Variants in GPATCH2L observed in about 807,000 individuals in gnomAD.
GPATCH2L encodes the protein G-patch domain containing 2 like.
GPATCH2L carries 31 observed loss-of-function variants against 57.4 expected under a neutral mutation model. The observed-to-expected ratio is 0.54, with a 90% CI of 0.41 to 0.73. The LOEUF (loss-of-function observed/expected upper bound fraction) is 0.73. Ranked by LOEUF, GPATCH2L falls within the 30% of genes least tolerant of loss-of-function variation. The probability of loss-of-function intolerance (pLI) is 0.00; values close to 1 mark genes in which losing one functional copy is unlikely to be tolerated. For synonymous variants in GPATCH2L, 199 were observed against 210.7 expected (o/e 0.94, Z 0.48); for missense variants, 481 against 599.9 (o/e 0.80, Z 2.07).
At chr14:76,161,810 TG>T (rs1261648404) in intron 2 of GPATCH2L, among the ~76,000 whole-genome samples, 1 of 152,014 alleles carries the variant, frequency 6.6e-6, no homozygotes, top group African/African-American at 2.4e-5. Context: ...CCTAGGCGGG[TG>T]GATCACCTAA....
intron 2 of GPATCH2L, among the ~76,000 whole-genome samples, chr14:76,158,548 T>A (rs1347435119): frequency 1.3e-5 from 2 of 152,228 alleles, no homozygotes; most frequent in African/African-American, 4.8e-5. Context: ...TCAATAACAC[T>A]CTATAGCAGT....
In GPATCH2L at chr14:76,209,054, G is replaced by A. The variant is rs957936631; in HGVS notation, c.*7203G>A. 22 of 152,218 alleles carry A rather than the reference G, an allele frequency of 1.4e-4. No homozygotes were observed. The highest frequency in any genetic ancestry group is 5.3e-4 in the African/African-American group (22 of 41,438). The allele number at this position is 152,218 out of a possible 1,614,324, so 9.4% of individuals were successfully genotyped here. A position where few individuals can be genotyped will look rare whatever the true frequency, so the allele number is the denominator to read the frequency against. On this transcript the variant is annotated 3_prime_UTR_variant, in exon 10 of 10. Transcript: ENST00000261530. Reference sequence around the variant, plus strand: ...CTGTTCTTGCTGGATTCACCCACCAGTGACTTCTACTATTAAAATTTAGCC... The same window carrying A: ...CTGTTCTTGCTGGATTCACCCACCAATGACTTCTACTATTAAAATTTAGCC...
intron 2 of GPATCH2L, among the ~76,000 whole-genome samples, chr14:76,161,196 T>C (rs1340636417): frequency 6.6e-6 from 1 of 152,172 alleles, no homozygotes; most frequent in East Asian, 1.9e-4. Flanking sequence ...AAAAATACCT[T>C]TGGGCAGTAG....
chr14:76,194,656 T>G lies in GPATCH2L; in HGVS notation c.1194-1222T>G, dbSNP rs527269375. ...CTTAGGTTTGTCTGAGGTTCCAGTT[T>G]TAAGACTACTAAGGGTCTTAATCCT... On this transcript the variant is annotated intron_variant, in intron 8 of 9. Transcript: ENST00000261530. Among the ~76,000 whole-genome samples, 5 of 152,338 alleles carry G rather than the reference T, an allele frequency of 3.3e-5. 1 individual carries two copies. In the South Asian group the frequency reaches 1.0e-3, roughly 32 times the overall value.
intron 6 of GPATCH2L, among the ~76,000 whole-genome samples, chr14:76,177,052 A>G (rs1483842231): frequency 6.6e-6 from 1 of 151,446 alleles, no homozygotes; most frequent in Admixed American, 6.6e-5. Flanking sequence ...ATAGGGAAAT[A>G]TCTGTTTTTT....
At chr14:76,171,525 G>A (rs2139657706) in intron 3 of GPATCH2L, among the ~76,000 whole-genome samples, 1 of 152,150 alleles carries the variant, frequency 6.6e-6, no homozygotes, top group South Asian at 2.1e-4. Context: ...GGAGGTTACA[G>A]TGAACCAAGA....
rs2040137579 is a variant in GPATCH2L, at chr14:76,195,981, A to G, written c.1288+9A>G. On this transcript the variant is annotated intron_variant, in intron 9 of 9. Transcript: ENST00000261530. The stretch of plus-strand genomic sequence containing the variant: ...GTCTAGCCCCAGTGCAGGTGATTAC[A>G]TGCAGTTATCATTTATTGAGCATGT... The G allele has an allele frequency of 2.5e-6, 4 of 1,578,408 alleles. No individual in the cohort carries two copies. Among genetic ancestry groups the G allele is most frequent in the Non-Finnish European group, 3.5e-6 (4 of 1,147,388 alleles).
At chr14:76,189,587 C>T (rs1374015080) in intron 8 of GPATCH2L, among the ~76,000 whole-genome samples, 1 of 152,062 alleles carries the variant, frequency 6.6e-6, no homozygotes, top group East Asian at 1.9e-4. Flanking sequence ...TTTATCACTA[C>T]TGACAGTTTT....
downstream of GPATCH2L, among the ~76,000 whole-genome samples, chr14:76,215,764 G>T (rs1403327960): frequency 1.7e-5 from 2 of 120,958 alleles, no homozygotes; most frequent in South Asian, 3.0e-4. Context: ...TGGGGACTGT[G>T]GTGGGGTGGG....
At chr14:76,217,884 CAAAG>C (rs531861213), downstream of GPATCH2L, among the ~76,000 whole-genome samples, 132 of 152,168 alleles carry the variant, frequency 8.7e-4, no homozygotes, top group Non-Finnish European at 1.7e-3. Context: ...ATTTAAGAGA[CAAAG>C]AAACTGAGTC....
intron 2 of GPATCH2L, among the ~76,000 whole-genome samples, chr14:76,161,157 C>A (rs922229892): frequency 5.3e-5 from 8 of 152,060 alleles, no homozygotes; most frequent in African/African-American, 1.9e-4. Flanking sequence ...CCACCTCTAC[C>A]CTGGAAAAAA....
In GPATCH2L at chr14:76,213,650, G is replaced by GC. The variant is rs2040465681; in HGVS notation, c.*11804dup. ...GTGTTCCATGTTAGCCTGACACAGA[G>GC]CCCCCTCTTCACATTCTCAGGGGCT... On this transcript the variant is annotated 3_prime_UTR_variant, in exon 10 of 10. Coordinates refer to ENST00000261530, the MANE Select transcript of GPATCH2L (RefSeq NM_017926.4). 1 of 152,094 alleles carries GC rather than the reference G, an allele frequency of 6.6e-6. No homozygotes were observed. Among genetic ancestry groups the GC allele is most frequent in the South Asian group, 2.1e-4 (1 of 4,822 alleles). 9.4% of individuals were successfully genotyped at this position (152,094 alleles called of 1,614,324 possible).
chr14:76,222,472 T>C (rs763699380), intron 1 of GPATCH2L, among the ~76,000 whole-genome samples: 9 of 151,512 alleles, frequency 5.9e-5, no homozygotes, highest in Non-Finnish European at 1.0e-4. Context: ...CTGAGCGTGG[T>C]GGCGTGCACC....
chr14:76,214,172 A>G lies in GPATCH2L; in HGVS notation c.*12321A>G, dbSNP rs2040471801. On this transcript the variant is annotated 3_prime_UTR_variant, in exon 10 of 10. Coordinates refer to ENST00000261530, the MANE Select transcript of GPATCH2L (RefSeq NM_017926.4). ...TATTATATGATATTAACTGATTTAG[A>G]GAGAACTAACATCTTTAAAATGTGG... 1 of 152,210 alleles carries G rather than the reference A, an allele frequency of 6.6e-6. No homozygotes were observed. The highest frequency in any genetic ancestry group is 6.5e-5 in the Admixed American group (1 of 15,270). The allele number at this position is 152,210 out of a possible 1,614,324, so 9.4% of individuals were successfully genotyped here.
At chr14:76,173,974 C>G (rs1369765929) in intron 5 of GPATCH2L, 1 of 318,906 alleles carries the variant, frequency 3.1e-6, no homozygotes, top group Non-Finnish European at 5.7e-6. Context: ...TATGACTCCT[C>G]TTGAATTCAT....
At chr14:76,232,724 G>A (rs961060234) in intron 2 of GPATCH2L, among the ~76,000 whole-genome samples, 1 of 152,216 alleles carries the variant, frequency 6.6e-6, no homozygotes, top group African/African-American at 2.4e-5. Flanking sequence ...TGCAGGCATG[G>A]AGTTTCCAGT....
intron 8 of GPATCH2L, among the ~76,000 whole-genome samples, chr14:76,189,857 T>C (rs1048099086): frequency 1.7e-4 from 26 of 152,240 alleles, no homozygotes; most frequent in South Asian, 1.2e-3. Flanking sequence ...TGGCTTTTAT[T>C]GTGTTGAGGT....
intron 5 of GPATCH2L, chr14:76,174,052 A>C: frequency 5.7e-6 from 1 of 176,896 alleles, no homozygotes; most frequent in Non-Finnish European, 1.2e-5. Context: ...AAAAAACAAA[A>C]CTGTTACTGA....
chr14:76,179,390 A>G (rs2039471018), intron 7 of GPATCH2L: 1 of 152,254 alleles, frequency 6.6e-6, no homozygotes, highest in African/African-American at 2.4e-5. Flanking sequence ...CAGATAAGGA[A>G]AGTCATGAAG....
Sources: allele counts gnomAD v4.1 joint callset (sites outside exome capture counted in the v4.1 genomes callset), GRCh38; gene constraint gnomAD v4.1.1; transcripts MANE v1.5; gene names NCBI Gene and HGNC (gene_info 2026-07-23, HGNC 2026-07-21).